IL1RAPL2: variants seen among roughly 807,000 people sequenced by gnomAD.
IL1RAPL2 encodes the protein X-linked interleukin-1 receptor accessory protein-like 2.
A neutral mutation model predicts 44.1 loss-of-function variants in IL1RAPL2; 3 were observed. The ratio of observed to expected loss-of-function variants is 0.07; its 90% CI spans 0.03 to 0.18. The LOEUF (loss-of-function observed/expected upper bound fraction) is 0.18. IL1RAPL2 is among the 10% of genes least tolerant of loss of function. The pLI, the probability that IL1RAPL2 is intolerant of heterozygous loss-of-function variation, is 1.00. For synonymous variants in IL1RAPL2, 181 were observed against 178.8 expected (o/e 1.01, Z -0.10); for missense variants, 391 against 496.4 (o/e 0.79, Z 2.02).
intron 6 of IL1RAPL2, among the ~76,000 whole-genome samples, chrX:105,638,384 A>C (rs772110294): frequency 9.0e-6 from 1 of 111,381 alleles, no homozygotes; most frequent in African/African-American, 3.3e-5. Context: ...GTAAAGAGAA[A>C]GCCATTTATC....
rs758806183 is a variant in IL1RAPL2 at position 104,574,126 on chromosome X, C to T, written c.-20+7075C>T. On this transcript the variant is annotated intron_variant, in intron 1 of 10. Transcript: ENST00000372582. ...TTTTTCTAATTATGAAGACTGAAGG[C>T]TTAAAGGAAAAGATTGATACATTTA... Among the ~76,000 whole-genome samples the T allele has an allele frequency of 1.9e-4, 21 of 110,931 alleles. No homozygotes were observed. The East Asian group carries it at 5.9e-3, about 31-fold the overall frequency.
intron 6 of IL1RAPL2, among the ~76,000 whole-genome samples, chrX:105,662,978 A>G (rs770621870): frequency 3.9e-4 from 44 of 112,594 alleles, no homozygotes; most frequent in African/African-American, 1.4e-3. Flanking sequence ...AATAGGTAAC[A>G]GGATATTCAT....
At chrX:104,729,278 T>A (rs1212722488) in intron 2 of IL1RAPL2, among the ~76,000 whole-genome samples, 1 of 111,026 alleles carries the variant, frequency 9.0e-6, no homozygotes, top group Non-Finnish European at 1.9e-5. Context: ...AAAAATTTTT[T>A]AACAAAATTA....
chrX:105,189,059 A>G (rs192684860), intron 2 of IL1RAPL2, among the ~76,000 whole-genome samples: 13 of 111,754 alleles, frequency 1.2e-4, no homozygotes, highest in African/African-American at 4.2e-4. Context: ...CTTTTCTTAG[A>G]TGGGGGCATA....
chrX:105,362,683 G>A (rs2035256580), intron 5 of IL1RAPL2, among the ~76,000 whole-genome samples: 1 of 110,489 alleles, frequency 9.1e-6, no homozygotes, highest in South Asian at 3.8e-4. Context: ...AAAACAGGCA[G>A]GCTATCAGTA....
At chrX:105,426,231 A>G in intron 5 of IL1RAPL2, among the ~76,000 whole-genome samples, 1 of 110,603 alleles carries the variant, frequency 9.0e-6, no homozygotes, top group Middle Eastern at 4.7e-3. Context: ...ACAAGCCTTT[A>G]GGAGAGATCC....
At chrX:105,516,964 G>C (rs1319614260) in intron 6 of IL1RAPL2, among the ~76,000 whole-genome samples, 1 of 111,862 alleles carries the variant, frequency 8.9e-6, no homozygotes, top group African/African-American at 3.2e-5. Context: ...GAGATCAGAT[G>C]TTGTGGGACT....
At chrX:104,771,706 G>A (rs1932643910) in intron 2 of IL1RAPL2, among the ~76,000 whole-genome samples, 1 of 111,499 alleles carries the variant, frequency 9.0e-6, no homozygotes, top group Non-Finnish European at 1.9e-5. Flanking sequence ...CTGAGAGAGA[G>A]AGAATATGTA....
chrX:104,675,848 A>G (rs1416390231), intron 2 of IL1RAPL2, among the ~76,000 whole-genome samples: 2 of 108,947 alleles, frequency 1.8e-5, no homozygotes, highest in Non-Finnish European at 3.8e-5. Context: ...CTTTACCATT[A>G]TGTAATGGCC....
chrX:105,308,823 G>A lies in IL1RAPL2; in HGVS notation c.697+41282G>A, dbSNP rs188140527. On this transcript the variant is annotated intron_variant, in intron 5 of 10. Transcript: ENST00000372582. ...AAATACCAAGACATTGAATTGTTGG[G>A]ACAAAAAGTAGGTGCATGTGTAACT... Among the ~76,000 whole-genome samples, 177 of 111,177 alleles carry A rather than the reference G, an allele frequency of 1.6e-3. 2 individuals are homozygous for A. The highest frequency in any genetic ancestry group is 2.9e-3 in the Non-Finnish European group (155 of 53,002).
chrX:105,181,455 C>A (rs782351306), intron 2 of IL1RAPL2, among the ~76,000 whole-genome samples: 9 of 111,199 alleles, frequency 8.1e-5, no homozygotes, highest in Non-Finnish European at 1.3e-4. Flanking sequence ...TAGGTGTTTA[C>A]TACTATAAAC....
At chrX:104,686,913 A>G (rs1930998435) in intron 2 of IL1RAPL2, among the ~76,000 whole-genome samples, 1 of 112,315 alleles carries the variant, frequency 8.9e-6, no homozygotes, top group Non-Finnish European at 1.9e-5. Flanking sequence ...CAACAGCTAC[A>G]ACTAATACTC....
chrX:105,268,060 G>T (rs914218943), intron 5 of IL1RAPL2, among the ~76,000 whole-genome samples: 4 of 111,902 alleles, frequency 3.6e-5, no homozygotes, highest in Non-Finnish European at 7.5e-5. Flanking sequence ...TTTTAAATCT[G>T]AAGTACAAAC....
intron 2 of IL1RAPL2, among the ~76,000 whole-genome samples, chrX:104,882,970 C>T (rs981497760): frequency 9.0e-5 from 10 of 111,269 alleles, no homozygotes; most frequent in East Asian, 2.8e-4. Context: ...CCTGGTCAAG[C>T]GAGATCAAGA....
rs181714327 is a variant in IL1RAPL2 at position 105,353,672 on chromosome X, G to A, written c.697+86131G>A. ...CATCCCTTGTAAGCTGGATTCCTAG[G>A]TATTTTATTCTCTTTGAAGCAATTG... On this transcript the variant is annotated intron_variant, in intron 5 of 10. Coordinates refer to ENST00000372582, the MANE Select transcript of IL1RAPL2 (RefSeq NM_017416.2). Among the ~76,000 whole-genome samples, 112 of 111,139 alleles carry A rather than the reference G, an allele frequency of 1.0e-3. No individual in the cohort carries two copies. The East Asian group carries it at 0.027, about 27-fold the overall frequency.
intron 2 of IL1RAPL2, among the ~76,000 whole-genome samples, chrX:104,778,257 T>G (rs772643764): frequency 9.0e-6 from 1 of 110,870 alleles, no homozygotes; most frequent in Non-Finnish European, 1.9e-5. Flanking sequence ...CCCTCGGAGA[T>G]CTTTAATTCA....
chrX:104,872,724 T>C (rs1361015500), intron 2 of IL1RAPL2, among the ~76,000 whole-genome samples: 1 of 111,291 alleles, frequency 9.0e-6, no homozygotes, highest in East Asian at 2.8e-4. Context: ...TTAATAGATA[T>C]AAAATCTAGT....
chrX:105,167,407 T>C (rs2033379935), intron 2 of IL1RAPL2, among the ~76,000 whole-genome samples: 1 of 112,354 alleles, frequency 8.9e-6, no homozygotes, highest in African/African-American at 3.2e-5. Context: ...TTTTTCCTTC[T>C]TCAGACCTGT....
At position 105,265,172 on chromosome X, in the gene IL1RAPL2, TTGAA is replaced by T. The variant is rs2034392341; in HGVS notation, c.544-2212_544-2209del. Among the ~76,000 whole-genome samples, 5 of 112,263 alleles carry T rather than the reference TTGAA, an allele frequency of 4.5e-5. No individual in the cohort carries two copies. In the South Asian group the frequency reaches 1.9e-3, roughly 42 times the overall value. ...CATAAGAAAATGACACCATTTGTCT[TTGAA>T]TGAGTGTGTGGGCTTATTTGCCCAC... is the stretch of plus-strand genomic sequence containing the variant. On this transcript the variant is annotated intron_variant, in intron 4 of 10. Transcript: ENST00000372582.
Sources: allele counts gnomAD v4.1 joint callset (sites outside exome capture counted in the v4.1 genomes callset), GRCh38; gene constraint gnomAD v4.1.1; transcripts MANE v1.5; gene names NCBI Gene and HGNC (gene_info 2026-07-23, HGNC 2026-07-21).